DPP10: variants seen among roughly 807,000 people sequenced by gnomAD.
The protein encoded by DPP10 is inactive dipeptidyl peptidase 10.
In DPP10, 33 loss-of-function variants were observed where a neutral mutation model predicts 120.9. The ratio of observed to expected loss-of-function variants is 0.27; its 90% CI spans 0.21 to 0.37. The LOEUF is 0.37. Among genes scored for constraint, DPP10 ranks in the 10% least tolerant of loss-of-function variants. The pLI is 1.00. For missense variants in DPP10, 816 were observed against 942.8 expected, an observed-to-expected ratio of 0.87 and a Z score of 1.76; for synonymous variants, 337 against 326.1, an observed-to-expected ratio of 1.03 and a Z score of -0.36.
intron 2 of DPP10, among the ~76,000 whole-genome samples, chr2:115,311,198 G>A (rs966322481): frequency 6.6e-6 from 1 of 152,114 alleles, no homozygotes; most frequent in East Asian, 1.9e-4. Context: ...GTGCAATTTG[G>A]CAAGTTATTT....
intron 1 of DPP10, among the ~76,000 whole-genome samples, chr2:114,879,090 A>G (rs1406655353): frequency 6.6e-6 from 1 of 151,634 alleles, no homozygotes; most frequent in East Asian, 1.9e-4. Context: ...TATCCTTTGG[A>G]TTTGAAAGAA....
In DPP10 at chr2:115,515,221, A is replaced by G. The variant is rs568304161; in HGVS notation, c.367-10677A>G. 4.7e-4 allele frequency among the ~76,000 whole-genome samples: 72 copies of G among 152,148 alleles called. No individual in the cohort carries two copies. In the South Asian group the frequency reaches 6.0e-3, roughly 13 times the overall value. ...AGCAAAGCAGGCATATTTCAAATAT[A>G]TATGTAGGCTAAATATATTCCAGTG... is the stretch of plus-strand genomic sequence containing the variant. On this transcript the variant is annotated intron_variant, in intron 4 of 25. Coordinates refer to ENST00000410059, the MANE Select transcript of DPP10 (RefSeq NM_020868.6).
intron 5 of DPP10, among the ~76,000 whole-genome samples, chr2:115,588,619 G>C (rs2082437955): frequency 6.6e-6 from 1 of 152,106 alleles, no homozygotes; most frequent in Non-Finnish European, 1.5e-5. Flanking sequence ...GGAAACAAAG[G>C]GTGTTTTTAA....
intron 5 of DPP10, among the ~76,000 whole-genome samples, chr2:115,672,207 G>A (rs1559009344): frequency 6.6e-6 from 1 of 152,098 alleles, no homozygotes; most frequent in Non-Finnish European, 1.5e-5. Flanking sequence ...GTGCTTTTGA[G>A]GTGCTCTTGA....
At chr2:115,011,555 A>T (rs551588609) in intron 1 of DPP10, among the ~76,000 whole-genome samples, 3 of 152,116 alleles carry the variant, frequency 2.0e-5, no homozygotes, top group Non-Finnish European at 2.9e-5. Flanking sequence ...AAGATAGCCC[A>T]CACAGCTTTT....
At chr2:115,593,259 G>A (rs2149183663) in intron 5 of DPP10, among the ~76,000 whole-genome samples, 1 of 152,244 alleles carries the variant, frequency 6.6e-6, no homozygotes. Context: ...GCATTTCTAT[G>A]GAAACAGAAG....
intron 3 of DPP10, among the ~76,000 whole-genome samples, chr2:115,465,837 T>C: frequency 7.1e-6 from 1 of 141,076 alleles, no homozygotes; most frequent in South Asian, 2.3e-4. Flanking sequence ...ATAATAAAAA[T>C]AAAATAAATT....
At chr2:115,756,031 C>A (rs757829637) in intron 11 of DPP10, among the ~76,000 whole-genome samples, 3 of 151,978 alleles carry the variant, frequency 2.0e-5, no homozygotes, top group Non-Finnish European at 4.4e-5. Context: ...TCATTCATGG[C>A]AACATGGATA....
intron 4 of DPP10, among the ~76,000 whole-genome samples, chr2:115,505,651 C>A (rs1383370900): frequency 6.6e-6 from 1 of 152,052 alleles, no homozygotes; most frequent in Admixed American, 6.6e-5. Context: ...CATTTTCTTG[C>A]TGAATAATTT....
At position 114,834,791 on chromosome 2, in the gene DPP10, A is replaced by ACG. The variant is rs1687538428; in HGVS notation, c.60+391954_60+391955insGC. Among the ~76,000 whole-genome samples, 5 of 148,146 alleles carry ACG rather than the reference A, an allele frequency of 3.4e-5. 1 individual carries two copies. The highest frequency in any genetic ancestry group is 1.3e-4 in the African/African-American group (5 of 39,894). ...ACCTATGTATATATAAGCCATGTCTACACACCTATGTATATATAAGCCATG... is the reference window on the plus strand; with the variant it reads ...ACCTATGTATATATAAGCCATGTCTACGCACACCTATGTATATATAAGCCATG... On this transcript the variant is annotated intron_variant, in intron 1 of 25. Transcript: ENST00000410059.
chr2:114,605,304 G>A (rs1208616783), intron 1 of DPP10, among the ~76,000 whole-genome samples: 1 of 152,016 alleles, frequency 6.6e-6, no homozygotes, highest in Non-Finnish European at 1.5e-5. Context: ...CCTATACGTG[G>A]ATTTTCTTCT....
chr2:114,753,357 T>C (rs1679408223), intron 1 of DPP10, among the ~76,000 whole-genome samples: 1 of 152,172 alleles, frequency 6.6e-6, no homozygotes, highest in Non-Finnish European at 1.5e-5. Flanking sequence ...TCAAATTCTA[T>C]CCCAGCTTAG....
chr2:114,684,516 A>G (rs1269109505), intron 1 of DPP10, among the ~76,000 whole-genome samples: 1 of 151,992 alleles, frequency 6.6e-6, no homozygotes, highest in Non-Finnish European at 1.5e-5. Flanking sequence ...TGCTAGTAGA[A>G]TGGCTGCTTT....
intron 1 of DPP10, among the ~76,000 whole-genome samples, chr2:115,159,749 C>T (rs1381086795): frequency 1.3e-5 from 2 of 152,106 alleles, no homozygotes; most frequent in South Asian, 2.1e-4. Flanking sequence ...CACAGACCCC[C>T]ACAATACATG....
intron 1 of DPP10, among the ~76,000 whole-genome samples, chr2:114,755,969 GAAATT>G (rs1313194314): frequency 1.7e-5 from 2 of 118,380 alleles, no homozygotes; most frequent in Admixed American, 8.4e-5. Context: ...AAAAAAAAAA[GAAATT>G]AAAACCTGAT....
chr2:115,431,672 A>G (rs895966501), intron 3 of DPP10, among the ~76,000 whole-genome samples: 1 of 152,052 alleles, frequency 6.6e-6, no homozygotes, highest in African/African-American at 2.4e-5. Flanking sequence ...GCTGGTCTCT[A>G]ACACTTCAGG....
intron 5 of DPP10, among the ~76,000 whole-genome samples, chr2:115,672,680 C>CTTTCTTTTTCTTTCTTTCTTTCTT (rs147861157): frequency 1.8e-5 from 2 of 113,264 alleles, no homozygotes; most frequent in Admixed American, 1.0e-4. Flanking sequence ...CTCTTTCTTT[C>CTTTCTTTTTCTTTCTTTCTTTCTT]TCTTTCTTTC....
intron 1 of DPP10, among the ~76,000 whole-genome samples, chr2:115,025,204 TGAG>T (rs56310350): frequency 0.98 from 148,419 of 151,984 alleles, 72,576 homozygotes; most frequent in Middle Eastern, 1. Context: ...TCTCTCTTCA[TGAG>T]GAGATCTATC....
intron 1 of DPP10, among the ~76,000 whole-genome samples, chr2:114,923,722 T>TC (rs1416985623): frequency 6.7e-6 from 1 of 149,554 alleles, no homozygotes; most frequent in African/African-American, 2.5e-5. Context: ...CGCCTTGGCC[T>TC]CCCAAAGTGC....
Sources: allele counts gnomAD v4.1 joint callset (sites outside exome capture counted in the v4.1 genomes callset), GRCh38; gene constraint gnomAD v4.1.1; transcripts MANE v1.5; gene names NCBI Gene and HGNC (gene_info 2026-07-23, HGNC 2026-07-21).